MIS18A: variants seen among roughly 807,000 people sequenced by gnomAD.
MIS18A encodes the protein MIS18 kinetochore protein A.
A neutral mutation model predicts 25.0 loss-of-function variants in MIS18A; 14 were observed. That is an observed-to-expected ratio of 0.56 (90% CI 0.37 to 0.88). MIS18A has a LOEUF of 0.88. MIS18A is among the 40% of genes least tolerant of loss of function. The probability of loss-of-function intolerance (pLI) is 0.00; values close to 1 mark genes in which losing one functional copy is unlikely to be tolerated. For missense variants in MIS18A, 292 were observed against 290.8 expected, an observed-to-expected ratio of 1.00 and a Z score of -0.03; for synonymous variants, 134 against 118.6, an observed-to-expected ratio of 1.13 and a Z score of -0.84.
At chr21:32,211,387 CTG>C in the MIS18A span, among the ~76,000 whole-genome samples, 210 of 152,360 alleles carry the variant, frequency 1.4e-3, no homozygotes, top group Non-Finnish European at 2.6e-3. Context: ...AAACATGTAA[CTG>C]TTCCACCAAA....
chr21:32,175,472 T>C, the MIS18A span, among the ~76,000 whole-genome samples: 1 of 152,086 alleles, frequency 6.6e-6, no homozygotes, highest in Admixed American at 6.6e-5. Flanking sequence ...TTTTAATTTT[T>C]TTTTTAACTT....
chr21:32,181,686 T>TGGAGGCCAGAGGCAGGGCA, the MIS18A span, among the ~76,000 whole-genome samples: 2 of 152,030 alleles, frequency 1.3e-5, no homozygotes, highest in African/African-American at 4.8e-5. Flanking sequence ...CTGGCCTCAA[T>TGGAGGCCAGAGGCAGGGCA]GATAGATGGC....
At chr21:32,245,326 A>G in the MIS18A span, among the ~76,000 whole-genome samples, 2 of 152,224 alleles carry the variant, frequency 1.3e-5, no homozygotes, top group African/African-American at 4.8e-5. Context: ...GCCTACACAG[A>G]TAAAGCAGAG....
the MIS18A span, among the ~76,000 whole-genome samples, chr21:32,214,383 G>C: frequency 6.6e-6 from 1 of 152,194 alleles, no homozygotes; most frequent in East Asian, 1.9e-4. Flanking sequence ...ACCTTGGAGA[G>C]GCGAGAGCTG....
chr21:32,186,392 TATG>T, the MIS18A span, among the ~76,000 whole-genome samples: 1 of 152,254 alleles, frequency 6.6e-6, no homozygotes, highest in Non-Finnish European at 1.5e-5. Flanking sequence ...GGCTAGGCCT[TATG>T]TTCTTTTCTT....
the MIS18A span, among the ~76,000 whole-genome samples, chr21:32,203,741 T>C: frequency 6.6e-6 from 1 of 150,424 alleles, no homozygotes; most frequent in Non-Finnish European, 1.5e-5. Context: ...TTCAGCCTCC[T>C]GAGTAGCTGG....
chr21:32,189,346 A>G, the MIS18A span, among the ~76,000 whole-genome samples: 1 of 152,314 alleles, frequency 6.6e-6, no homozygotes, highest in South Asian at 2.1e-4. Flanking sequence ...TGGCATGAGC[A>G]TGGCTCACTG....
chr21:32,269,556 A>G, intron 4 of MIS18A, 151 bp downstream of exon 4: 1 of 557,574 alleles, frequency 1.8e-6, no homozygotes, highest in South Asian at 2.8e-5. Context: ...GAGTTCCCCA[A>G]AAATCAACTT....
At chr21:32,274,121 A>T (rs1396759699) in intron 2 of MIS18A, among the ~76,000 whole-genome samples, 1 of 151,596 alleles carries the variant, frequency 6.6e-6, no homozygotes, top group Non-Finnish European at 1.5e-5. Context: ...GTGCCATAAC[A>T]TGAGAAAGTT....
the MIS18A span, among the ~76,000 whole-genome samples, chr21:32,194,855 A>T: frequency 6.6e-6 from 1 of 152,000 alleles, no homozygotes; most frequent in East Asian, 1.9e-4. Flanking sequence ...ACACACAGAC[A>T]TACAGAGTGG....
the MIS18A span, among the ~76,000 whole-genome samples, chr21:32,243,855 TA>T: frequency 6.6e-6 from 1 of 151,832 alleles, no homozygotes. Flanking sequence ...CTGTCTCTAC[TA>T]AAAATACAAG....
the MIS18A span, among the ~76,000 whole-genome samples, chr21:32,183,439 T>G: frequency 6.6e-6 from 1 of 152,252 alleles, no homozygotes; most frequent in Non-Finnish European, 1.5e-5. Context: ...TGCACCTGTC[T>G]TTTCTCATAT....
At chr21:32,192,680 A>T in the MIS18A span, among the ~76,000 whole-genome samples, 1 of 152,226 alleles carries the variant, frequency 6.6e-6, no homozygotes, top group African/African-American at 2.4e-5. Context: ...CATGGCAGGA[A>T]TATCAACGCT....
rs759175804 is a variant in MIS18A, at chr21:32,278,897, T to C, written c.118A>G (p.Ser40Gly). ...CACTTCTGCAACAGCTGGTGGCGGC[T>C]CGAGTCTTCGGAGAGTCTCTTGCCC... ...LLGKRLSEDS[S>G]RHQLLQKWAS... Residue 40 changes from serine (S) to glycine (G), a missense_variant, in exon 1 of 5, where the codon AGC (serine) becomes GGC (glycine). Physicochemically the swap from Ser to Gly is moderately conservative, Grantham distance 56 (BLOSUM62 0). Transcript: ENST00000290130. 6.2e-7 allele frequency: 1 copy of C among 1,613,486 alleles called. No homozygotes were observed. Among genetic ancestry groups the C allele is most frequent in the South Asian group, 1.1e-5 (1 of 91,084 alleles).
chr21:32,227,291 A>G, the MIS18A span, among the ~76,000 whole-genome samples: 1 of 152,104 alleles, frequency 6.6e-6, no homozygotes, highest in Non-Finnish European at 1.5e-5. Flanking sequence ...TGATAAGATC[A>G]ACAAAATTGA....
the MIS18A span, among the ~76,000 whole-genome samples, chr21:32,229,567 C>G: frequency 6.6e-6 from 1 of 152,206 alleles, no homozygotes; most frequent in African/African-American, 2.4e-5. Flanking sequence ...AGCAAGACAG[C>G]CTTTCTGAAG....
chr21:32,260,128 A>T, the MIS18A span: 1 of 137,074 alleles, frequency 7.3e-6, no homozygotes, highest in East Asian at 2.1e-4. Flanking sequence ...TAACTGGTCT[A>T]CAAAGTATGA....
At chr21:32,196,841 GTAGT>G in the MIS18A span, among the ~76,000 whole-genome samples, 4 of 152,120 alleles carry the variant, frequency 2.6e-5, no homozygotes, top group Non-Finnish European at 5.9e-5. Context: ...TGATTGACAG[GTAGT>G]TAGGTAGATT....
chr21:32,215,715 G>T, the MIS18A span, among the ~76,000 whole-genome samples: 1 of 152,172 alleles, frequency 6.6e-6, no homozygotes, highest in African/African-American at 2.4e-5. Flanking sequence ...GAGAGGATCA[G>T]GAGGAGCCTC....
Sources: allele counts gnomAD v4.1 joint callset (sites outside exome capture counted in the v4.1 genomes callset), GRCh38; gene constraint gnomAD v4.1.1; transcripts MANE v1.5; gene names NCBI Gene and HGNC (gene_info 2026-07-23, HGNC 2026-07-21).